The following DMXL1 variants were observed in gnomAD, a reference collection of about 807,000 sequenced individuals.
DMXL1 encodes the protein dmX-like protein 1.
In DMXL1, 99 loss-of-function variants were observed where a neutral mutation model predicts 319.2. The observed-to-expected ratio is 0.31, with a 90% confidence interval of 0.26 to 0.37. The LOEUF (loss-of-function observed/expected upper bound fraction) is 0.37, where lower values mean the gene tolerates loss of function less well. DMXL1 is among the 10% of genes least tolerant of loss of function. The pLI, the probability that DMXL1 is intolerant of heterozygous loss-of-function variation, is 1.00. For synonymous variants in DMXL1, 1,385 were observed against 1,235.2 expected (o/e 1.12, Z -2.54); for missense variants, 3,745 against 3,595.6 (o/e 1.04, Z -1.06).
chr5:119,103,405 G>A (rs1447412987), intron 3 of DMXL1, among the ~76,000 whole-genome samples: 2 of 152,094 alleles, frequency 1.3e-5, no homozygotes, highest in African/African-American at 2.4e-5. Flanking sequence ...AACCTAGTTT[G>A]TGCAGCCATT....
chr5:119,081,515 C>T (rs1752188622), intron 1 of DMXL1: 2 of 940,954 alleles, frequency 2.1e-6, no homozygotes, highest in Non-Finnish European at 2.5e-6. Flanking sequence ...AACATCTTCA[C>T]ACTTAAGTCA....
At chr5:119,142,773 CAT>C (rs1767699354) in intron 13 of DMXL1, among the ~76,000 whole-genome samples, 1 of 151,996 alleles carries the variant, frequency 6.6e-6, no homozygotes, top group South Asian at 2.1e-4. Flanking sequence ...ATAGCAAAGA[CAT>C]AGAATCAACC....
chr5:119,178,258 A>AT lies in DMXL1; in HGVS notation c.7135+21dup, dbSNP rs759326200. On this transcript the variant is annotated intron_variant, in intron 28 of 43. Coordinates refer to ENST00000539542, the MANE Select transcript of DMXL1 (RefSeq NM_001290321.3). Reference sequence around the variant, plus strand: ...AAACTTTACCTGGTGAGTTTAAAAAATTTTTTTAGGACTGAAGCTTTATTT... The same window carrying AT: ...AAACTTTACCTGGTGAGTTTAAAAAATTTTTTTTAGGACTGAAGCTTTATTT... 6.2e-7 allele frequency: 1 copy of AT among 1,608,606 alleles called. No homozygotes were observed. Among genetic ancestry groups the AT allele is most frequent in the Admixed American group, 1.7e-5 (1 of 59,270 alleles).
intron 13 of DMXL1, among the ~76,000 whole-genome samples, chr5:119,143,423 G>C (rs1767852939): frequency 6.6e-6 from 1 of 152,060 alleles, no homozygotes; most frequent in Admixed American, 6.6e-5. Context: ...GTGTGACCTT[G>C]ACTAAAGCAG....
chr5:119,122,508 G>A (rs1332186835), intron 9 of DMXL1, among the ~76,000 whole-genome samples: 3 of 151,824 alleles, frequency 2.0e-5, no homozygotes, highest in Non-Finnish European at 4.4e-5. Flanking sequence ...TTCCCAGACG[G>A]GGTGGCTGCC....
intron 9 of DMXL1, chr5:119,128,103 A>G (rs1488586530): frequency 1.4e-5 from 7 of 486,406 alleles, no homozygotes; most frequent in African/African-American, 1.4e-4. Flanking sequence ...TTGCAAGTCT[A>G]AATCATGGGA....
intron 39 of DMXL1, among the ~76,000 whole-genome samples, chr5:119,235,787 A>G (rs1201495414): frequency 6.6e-6 from 1 of 152,154 alleles, no homozygotes; most frequent in Admixed American, 6.6e-5. Context: ...AATAGATAGG[A>G]GAACAATATC....
intron 26 of DMXL1, among the ~76,000 whole-genome samples, chr5:119,176,878 A>T (rs947645847): frequency 6.6e-6 from 1 of 152,014 alleles, no homozygotes; most frequent in African/African-American, 2.4e-5. Flanking sequence ...ATAGCGTCAT[A>T]TGCATAGGTT....
chr5:119,196,572 AC>A, intron 31 of DMXL1, 116 bp downstream of exon 31: 1 of 659,798 alleles, frequency 1.5e-6, no homozygotes, highest in Non-Finnish European at 2.5e-6. Context: ...ATTTCCTGTT[AC>A]AGAAGTTAGA....
intron 1 of DMXL1, among the ~76,000 whole-genome samples, chr5:119,075,898 G>A (rs1391415545): frequency 6.6e-6 from 1 of 152,070 alleles, no homozygotes; most frequent in Non-Finnish European, 1.5e-5. Context: ...AATGTATTCT[G>A]TTTATAAAAG....
In DMXL1 at chr5:119,146,886, A is replaced by G; in HGVS notation, c.2619A>G (p.Glu873=). Residue 873 remains glutamate, a synonymous_variant, in exon 16 of 44, where the codon GAA becomes GAG. Transcript: ENST00000539542. ...FSEKFYLIVI[E]CTQDNRSLLH... ...AGAAGTTCTACCTAATTGTAATAGA[A>G]TGCACTCAAGACAACCGTTCACTGT... 2 of 1,611,660 alleles carry G rather than the reference A, an allele frequency of 1.2e-6. No individual in the cohort carries two copies. Among genetic ancestry groups the G allele is most frequent in the Non-Finnish European group, 8.5e-7 (1 of 1,178,472 alleles).
intron 10 of DMXL1, 41 bp from the exon 11 acceptor site, chr5:119,133,091 C>G (rs1238438334): frequency 1.2e-6 from 2 of 1,602,166 alleles, no homozygotes; most frequent in Admixed American, 3.4e-5. Context: ...TAGTAATAAC[C>G]TGTTTGTATT....
At chr5:119,203,667 C>G (rs1781232084) in intron 33 of DMXL1, among the ~76,000 whole-genome samples, 1 of 151,980 alleles carries the variant, frequency 6.6e-6, no homozygotes, top group Non-Finnish European at 1.5e-5. Context: ...GTTTAATATT[C>G]CGCATCTTGT....
At position 119,071,414 on chromosome 5, in the gene DMXL1, C is replaced by A; in HGVS notation, c.-156C>A. The A allele has an allele frequency of 2.8e-6, 2 of 722,992 alleles. No individual in the cohort carries two copies. The highest frequency in any genetic ancestry group is 4.6e-6 in the Non-Finnish European group (2 of 434,254). 44.8% of individuals were successfully genotyped at this position (722,992 alleles called of 1,614,324 possible). ...TCCGGGGCTCGGGATGAGTCGCGGGCCCCAGCTGAGCGGCTCCGGCTCCAG... is the reference window on the plus strand; with the variant it reads ...TCCGGGGCTCGGGATGAGTCGCGGGACCCAGCTGAGCGGCTCCGGCTCCAG... On this transcript the variant is annotated 5_prime_UTR_variant, in exon 1 of 44. Coordinates refer to ENST00000539542, the MANE Select transcript of DMXL1 (RefSeq NM_001290321.3).
At chr5:119,160,718 A>G (rs1191634915) in intron 19 of DMXL1, among the ~76,000 whole-genome samples, 1 of 152,126 alleles carries the variant, frequency 6.6e-6, no homozygotes, top group African/African-American at 2.4e-5. Flanking sequence ...ATATATATTT[A>G]TAATTATTAA....
rs142799970 is a variant in DMXL1, at chr5:119,165,140, A to G, written c.4873-43A>G. The stretch of plus-strand genomic sequence containing the variant: ...TCATATGAAAGAAATTACTTGTTCA[A>G]AACTGTTTCTGTGAAATTTTGATCA... On this transcript the variant is annotated intron_variant, in intron 20 of 43. Coordinates refer to ENST00000539542, the MANE Select transcript of DMXL1 (RefSeq NM_001290321.3). 97 of 1,257,422 alleles carry G rather than the reference A, an allele frequency of 7.7e-5. No homozygotes were observed. The East Asian group carries it at 1.9e-3, about 24-fold the overall frequency. 77.9% of individuals were successfully genotyped at this position (1,257,422 alleles called of 1,614,324 possible).
intron 42 of DMXL1, among the ~76,000 whole-genome samples, chr5:119,243,058 AC>A (rs928781579): frequency 1.3e-5 from 2 of 152,182 alleles, no homozygotes; most frequent in African/African-American, 4.8e-5. Flanking sequence ...AGGAGAATTG[AC>A]CATGAAGGGG....
intron 28 of DMXL1, among the ~76,000 whole-genome samples, chr5:119,179,029 T>G (rs1463903188): frequency 1.3e-5 from 2 of 152,160 alleles, no homozygotes; most frequent in African/African-American, 4.8e-5. Context: ...TTAGGCTGCT[T>G]TATGATTTGC....
At chr5:119,092,858 A>G (rs1181596236) in intron 1 of DMXL1, among the ~76,000 whole-genome samples, 1 of 152,168 alleles carries the variant, frequency 6.6e-6, no homozygotes, top group Non-Finnish European at 1.5e-5. Flanking sequence ...ATAATATTCC[A>G]TTGTATGGAT....
Sources: allele counts gnomAD v4.1 joint callset (sites outside exome capture counted in the v4.1 genomes callset), GRCh38; gene constraint gnomAD v4.1.1; transcripts MANE v1.5; gene names NCBI Gene and HGNC (gene_info 2026-07-23, HGNC 2026-07-21).